SGCD: variants seen among roughly 807,000 people sequenced by gnomAD.
SGCD encodes the protein delta-sarcoglycan.
Under a neutral mutation model 36.6 loss-of-function variants are expected in SGCD, and 18 were observed. That is an observed-to-expected ratio of 0.49 (90% confidence interval 0.34 to 0.73). The LOEUF (loss-of-function observed/expected upper bound fraction) is 0.73. Ranked by LOEUF, SGCD falls within the 30% of genes least tolerant of loss-of-function variation. SGCD has a pLI of 0.01. For missense variants in SGCD, 387 were observed against 346.7 expected (o/e 1.12, Z -0.92); for synonymous variants, 133 against 130.6 (o/e 1.02, Z -0.12).
chr5:156,113,983 C>T (rs1561524829), intron 1 of SGCD, among the ~76,000 whole-genome samples: 4 of 151,938 alleles, frequency 2.6e-5, no homozygotes, highest in Admixed American at 1.3e-4. Context: ...ATGGTAGTTG[C>T]TAGGGGCTTG....
chr5:156,126,805 TC>T (rs1762182871), intron 3 of SGCD, among the ~76,000 whole-genome samples: 1 of 152,224 alleles, frequency 6.6e-6, no homozygotes, highest in Non-Finnish European at 1.5e-5. Context: ...CTAATTCTTC[TC>T]AGCCTATGCT....
chr5:156,750,413 C>T (rs1388961439), intron 7 of SGCD, among the ~76,000 whole-genome samples: 1 of 152,086 alleles, frequency 6.6e-6, no homozygotes, highest in Non-Finnish European at 1.5e-5. Flanking sequence ...CAGTCGCGCG[C>T]AGTGGCTCAT....
At chr5:156,742,479 C>T (rs1298499476) in intron 7 of SGCD, among the ~76,000 whole-genome samples, 1 of 147,474 alleles carries the variant, frequency 6.8e-6, no homozygotes, top group Admixed American at 7.1e-5. Flanking sequence ...TTGGTCCAGT[C>T]CATCACCAAA....
chr5:155,804,052 T>C, the SGCD span, among the ~76,000 whole-genome samples: 1 of 152,200 alleles, frequency 6.6e-6, no homozygotes, highest in African/African-American at 2.4e-5. Context: ...GCGGAGATAC[T>C]ATGGAGAGGA....
intron 7 of SGCD, among the ~76,000 whole-genome samples, chr5:156,706,918 A>G (rs1754767128): frequency 6.6e-6 from 1 of 152,180 alleles, no homozygotes; most frequent in Non-Finnish European, 1.5e-5. Flanking sequence ...GCAAAAGCCA[A>G]GAACTTGAAG....
At chr5:156,416,157 A>G (rs1411387471) in intron 3 of SGCD, among the ~76,000 whole-genome samples, 1 of 152,228 alleles carries the variant, frequency 6.6e-6, no homozygotes, top group Non-Finnish European at 1.5e-5. Context: ...GAAATGTAGT[A>G]TATATGTTCT....
intron 3 of SGCD, among the ~76,000 whole-genome samples, chr5:156,374,623 A>G (rs1467993246): frequency 2.0e-5 from 3 of 152,110 alleles, no homozygotes; most frequent in Non-Finnish European, 4.4e-5. Context: ...CTTGGAGCAG[A>G]AGCTTCCTGC....
the SGCD span, among the ~76,000 whole-genome samples, chr5:155,734,735 C>T: frequency 6.6e-6 from 1 of 152,114 alleles, no homozygotes; most frequent in African/African-American, 2.4e-5. Context: ...GTGGTGAAAT[C>T]GCCTCCAAAT....
intron 4 of SGCD, among the ~76,000 whole-genome samples, chr5:156,569,570 C>T (rs1007919532): frequency 1.8e-4 from 27 of 148,288 alleles, no homozygotes; most frequent in Admixed American, 1.7e-3. Context: ...CCAGCCTGGG[C>T]GACAGAGTGC....
chr5:156,477,574 C>T (rs1187367943), intron 3 of SGCD, among the ~76,000 whole-genome samples: 1 of 150,916 alleles, frequency 6.6e-6, no homozygotes, highest in Non-Finnish European at 1.5e-5. Context: ...ATTAAGGAGA[C>T]TTTCTGTCTC....
intron 1 of SGCD, among the ~76,000 whole-genome samples, chr5:156,092,226 C>T (rs1156768229): frequency 6.6e-6 from 1 of 152,192 alleles, no homozygotes; most frequent in East Asian, 1.9e-4. Context: ...CTTGCAAATA[C>T]CTTCTATTCT....
chr5:156,618,434 A>G (rs907874571), intron 6 of SGCD, among the ~76,000 whole-genome samples: 4 of 152,188 alleles, frequency 2.6e-5, no homozygotes, highest in African/African-American at 9.7e-5. Context: ...TAAATAATGC[A>G]GCAAGAAAGC....
chr5:156,640,308 ATATATATATAC>A (rs1762982049), intron 6 of SGCD, among the ~76,000 whole-genome samples: 1 of 151,864 alleles, frequency 6.6e-6, no homozygotes, highest in African/African-American at 2.4e-5. Context: ...ACATCTCTAG[ATATATATATAC>A]ATTTGTGCTT....
At chr5:156,679,582 ACT>A (rs1405501461) in intron 7 of SGCD, among the ~76,000 whole-genome samples, 4 of 152,162 alleles carry the variant, frequency 2.6e-5, no homozygotes, top group African/African-American at 9.7e-5. Flanking sequence ...AGGATTTGGA[ACT>A]CAGCATTTTT....
At chr5:156,189,127 G>A (rs966537860) in intron 3 of SGCD, among the ~76,000 whole-genome samples, 2 of 152,154 alleles carry the variant, frequency 1.3e-5, no homozygotes, top group Non-Finnish European at 2.9e-5. Context: ...GAAGAAGAGG[G>A]TTATAATTTC....
At chr5:155,939,313 A>G (rs1267467730) in intron 1 of SGCD, among the ~76,000 whole-genome samples, 1 of 152,172 alleles carries the variant, frequency 6.6e-6, no homozygotes, top group Non-Finnish European at 1.5e-5. Context: ...CATGTTGTAC[A>G]CACTAAATAT....
intron 3 of SGCD, among the ~76,000 whole-genome samples, chr5:156,503,867 T>C (rs1756567322): frequency 6.6e-6 from 1 of 151,916 alleles, no homozygotes; most frequent in Admixed American, 6.6e-5. Context: ...ACTTAAGAGT[T>C]TTTTTTTAAT....
the SGCD span, among the ~76,000 whole-genome samples, chr5:155,749,631 C>A: frequency 6.6e-5 from 10 of 152,122 alleles, no homozygotes; most frequent in African/African-American, 2.4e-4. Flanking sequence ...AGGGGGGCAG[C>A]CAAAAAGGGA....
intron 1 of SGCD, among the ~76,000 whole-genome samples, chr5:155,879,137 T>G (rs1755824249): frequency 6.6e-6 from 1 of 152,148 alleles, no homozygotes; most frequent in African/African-American, 2.4e-5. Context: ...AATTGCCCGC[T>G]TGCCATGCCA....
Sources: gnomAD v4.1 joint callset for allele counts (sites outside exome capture counted in the v4.1 genomes callset) on GRCh38, gnomAD v4.1.1 for gene constraint, MANE v1.5 for transcripts, NCBI Gene and HGNC (gene_info 2026-07-23, HGNC 2026-07-21) for gene names.